SNTG2: variants seen among roughly 807,000 people sequenced by gnomAD.
The protein encoded by SNTG2 is syntrophin gamma 2.
In SNTG2, 74 loss-of-function variants were observed where a neutral mutation model predicts 70.9. The ratio of observed to expected loss-of-function variants is 1.04; its 90% confidence interval spans 0.86 to 1.27. The LOEUF is 1.27. Among genes scored for constraint, SNTG2 ranks in the 50% most tolerant of loss-of-function variants. The pLI is 0.00. For missense variants in SNTG2, 717 were observed against 690.7 expected (o/e 1.04, Z -0.43); for synonymous variants, 278 against 273.8 (o/e 1.02, Z -0.15).
At chr2:1,291,253 T>G (rs1332006625) in intron 14 of SNTG2, among the ~76,000 whole-genome samples, 2 of 152,194 alleles carry the variant, frequency 1.3e-5, no homozygotes, top group Non-Finnish European at 2.9e-5. Context: ...ATTCTAGACA[T>G]CAACCCCTTA....
At chr2:1,173,695 C>T (rs1671279941) in intron 8 of SNTG2, among the ~76,000 whole-genome samples, 1 of 152,328 alleles carries the variant, frequency 6.6e-6, no homozygotes, top group African/African-American at 2.4e-5. Context: ...AGCCTGGGCT[C>T]TGAGAGAACC....
At chr2:1,140,567 G>T (rs1427897463) in intron 6 of SNTG2, among the ~76,000 whole-genome samples, 72 of 152,248 alleles carry the variant, frequency 4.7e-4, no homozygotes, top group Non-Finnish European at 7.3e-5. Context: ...GGCGCTCTGG[G>T]AGGTGGTGGG....
At chr2:1,115,318 C>G (rs61112239) in intron 4 of SNTG2, among the ~76,000 whole-genome samples, 32 of 152,132 alleles carry the variant, frequency 2.1e-4, no homozygotes, top group African/African-American at 7.7e-4. Flanking sequence ...TTAACCCTTA[C>G]AGTCCTTGGA....
In SNTG2 at chr2:1,196,647, A is replaced by G. The variant is rs1014372917; in HGVS notation, c.592-12456A>G. On this transcript the variant is annotated intron_variant, in intron 8 of 16. Transcript: ENST00000308624. ...GCAAGAGAAAAGTAGCAAGTCACAT[A>G]TAAGGGAGAACCTCCATCAAGCCAT... 7.9e-5 allele frequency among the ~76,000 whole-genome samples: 12 copies of G among 152,328 alleles called. No individual in the cohort carries two copies. In the South Asian group the frequency reaches 1.0e-3, roughly 13 times the overall value.
intron 9 of SNTG2, among the ~76,000 whole-genome samples, chr2:1,227,273 ATTT>A (rs1675852934): frequency 6.6e-6 from 1 of 152,268 alleles, no homozygotes; most frequent in Non-Finnish European, 1.5e-5. Flanking sequence ...ACATGCATTT[ATTT>A]CCAAGCAGGA....
chr2:1,239,355 G>A (rs1676900151), intron 10 of SNTG2, among the ~76,000 whole-genome samples: 1 of 152,094 alleles, frequency 6.6e-6, no homozygotes, highest in South Asian at 2.1e-4. Flanking sequence ...AGGTCATTGG[G>A]AGAACTAAAT....
At position 1,353,257 on chromosome 2, in the gene SNTG2, G is replaced by A. The variant is rs867784377; in HGVS notation, c.1489-14086G>A. Reference sequence around the variant, plus strand: ...CCTCCCGCCCACAGAAACAGTGGGCGGAAGGAGCACGACCTGAGCTCCAGG... The same window carrying A: ...CCTCCCGCCCACAGAAACAGTGGGCAGAAGGAGCACGACCTGAGCTCCAGG... On this transcript the variant is annotated intron_variant, in intron 16 of 16. Coordinates refer to ENST00000308624, the MANE Select transcript of SNTG2 (RefSeq NM_018968.4). The surrounding 1 kb of genome is among the most constrained non-coding windows in gnomAD (Gnocchi z 4.2). 5.3e-5 allele frequency among the ~76,000 whole-genome samples: 8 copies of A among 152,112 alleles called. No individual in the cohort carries two copies. Among genetic ancestry groups the A allele is most frequent in the East Asian group, 1.9e-4 (1 of 5,188 alleles).
chr2:1,340,619 G>C (rs1453293663), intron 16 of SNTG2, among the ~76,000 whole-genome samples: 1 of 152,176 alleles, frequency 6.6e-6, no homozygotes, highest in Non-Finnish European at 1.5e-5. Flanking sequence ...TCACAAAAGT[G>C]AGCCAGTACA....
At chr2:1,295,399 G>A (rs975151177) in intron 14 of SNTG2, among the ~76,000 whole-genome samples, 2 of 152,160 alleles carry the variant, frequency 1.3e-5, no homozygotes, top group Non-Finnish European at 2.9e-5. Flanking sequence ...TTAATACAAA[G>A]TATCCGCTTC....
At chr2:1,361,606 C>T (rs1022611147) in intron 16 of SNTG2, among the ~76,000 whole-genome samples, 6 of 151,078 alleles carry the variant, frequency 4.0e-5, no homozygotes, top group African/African-American at 4.9e-5. Context: ...AAGTCACCGA[C>T]GCTGAGCATT....
intron 9 of SNTG2, among the ~76,000 whole-genome samples, chr2:1,213,092 A>G (rs1392493278): frequency 6.6e-5 from 10 of 152,230 alleles, no homozygotes; most frequent in Admixed American, 5.2e-4. Flanking sequence ...GGTCCTTTCT[A>G]AAAATTGACA....
chr2:1,251,765 G>GCACACCACATCTGCACACCACTCATGCA (rs1677787876), intron 12 of SNTG2, among the ~76,000 whole-genome samples: 3 of 141,798 alleles, frequency 2.1e-5, no homozygotes, highest in Admixed American at 7.0e-5. Flanking sequence ...CACACTACAC[G>GCACACCACATCTGCACACCACTCATGCA]CACACCACAT....
At chr2:1,217,990 C>A (rs891819699) in intron 9 of SNTG2, among the ~76,000 whole-genome samples, 2 of 152,000 alleles carry the variant, frequency 1.3e-5, no homozygotes, top group African/African-American at 4.8e-5. Flanking sequence ...GCTGTGTTCC[C>A]ATCTTCAAGG....
intron 1 of SNTG2, among the ~76,000 whole-genome samples, chr2:1,077,862 G>T (rs758077193): frequency 6.6e-5 from 10 of 152,132 alleles, no homozygotes; most frequent in Admixed American, 2.0e-4. Flanking sequence ...TTCTCCGTAG[G>T]AATGTTTTTT....
chr2:1,104,375 C>G (rs868284953), intron 4 of SNTG2, among the ~76,000 whole-genome samples: 3 of 152,266 alleles, frequency 2.0e-5, no homozygotes, highest in South Asian at 4.1e-4. Context: ...TTCAGACGAG[C>G]TGAGTGACAG....
At chr2:1,014,483 G>C (rs571034402) in intron 1 of SNTG2, among the ~76,000 whole-genome samples, 2 of 92,088 alleles carry the variant, frequency 2.2e-5, no homozygotes, top group South Asian at 6.8e-4. Context: ...TAAGGACAGA[G>C]AGAAGGGTGG....
At chr2:1,269,658 G>C (rs1323519338) in intron 14 of SNTG2, among the ~76,000 whole-genome samples, 1 of 152,178 alleles carries the variant, frequency 6.6e-6, no homozygotes, top group African/African-American at 2.4e-5. Context: ...AGAAGAGAAG[G>C]CATTCCCAGT....
intron 4 of SNTG2, among the ~76,000 whole-genome samples, chr2:1,131,047 A>G (rs1667982180): frequency 6.6e-6 from 1 of 152,216 alleles, no homozygotes; most frequent in East Asian, 1.9e-4. Flanking sequence ...TACAGTCAAC[A>G]GGAGCCCCAG....
At chr2:1,142,004 A>G (rs866065788) in intron 6 of SNTG2, among the ~76,000 whole-genome samples, 2 of 152,056 alleles carry the variant, frequency 1.3e-5, no homozygotes, top group Admixed American at 6.5e-5. Context: ...TGCTTTACGG[A>G]GGCTAACAGG....
Sources: gnomAD v4.1 joint callset for allele counts (sites outside exome capture counted in the v4.1 genomes callset) on GRCh38, gnomAD v4.1.1 for gene constraint, Gnocchi (gnomAD v3.1) non-coding constraint, MANE v1.5 for transcripts, NCBI Gene and HGNC (gene_info 2026-07-23, HGNC 2026-07-21) for gene names.